BLTP3B: variants seen among roughly 807,000 people sequenced by gnomAD.
The protein encoded by BLTP3B is UHRF1 (ICBP90) binding protein 1-like.
At chr12:100,137,431 C>A in the BLTP3B span, among the ~76,000 whole-genome samples, 1 of 152,142 alleles carries the variant, frequency 6.6e-6, no homozygotes, top group African/African-American at 2.4e-5. Flanking sequence ...TTCTGAATGT[C>A]CATAATGAAT....
the BLTP3B span, chr12:100,037,453 A>G: frequency 7.4e-7 from 1 of 1,356,766 alleles, no homozygotes; most frequent in Non-Finnish European, 9.4e-7. Flanking sequence ...CAACCAAAAG[A>G]TTGTAATGCC....
chr12:100,130,707 G>A, the BLTP3B span, among the ~76,000 whole-genome samples: 2 of 152,080 alleles, frequency 1.3e-5, no homozygotes, highest in Non-Finnish European at 2.9e-5. Context: ...CCTGAGGTCA[G>A]GAGTTTGAGA....
chr12:100,140,723 AAAAAAAATAT>A, the BLTP3B span, among the ~76,000 whole-genome samples: 1 of 97,982 alleles, frequency 1.0e-5, no homozygotes, highest in Non-Finnish European at 2.0e-5. Flanking sequence ...AAAAAAAAAA[AAAAAAAATAT>A]ATATATATAT....
the BLTP3B span, among the ~76,000 whole-genome samples, chr12:100,092,316 C>T: frequency 6.6e-6 from 1 of 152,138 alleles, no homozygotes; most frequent in Non-Finnish European, 1.5e-5. Flanking sequence ...GAAGTAGTGA[C>T]ATGATAACTA....
At chr12:100,051,061 C>T in the BLTP3B span, 41 of 1,611,910 alleles carry the variant, frequency 2.5e-5, no homozygotes, top group Non-Finnish European at 3.5e-5. Flanking sequence ...CATAGAATCT[C>T]TCTGAAATGA....
chr12:100,060,966 CT>C, the BLTP3B span, among the ~76,000 whole-genome samples: 2 of 152,158 alleles, frequency 1.3e-5, no homozygotes, highest in Admixed American at 6.5e-5. Context: ...TATTCATTCA[CT>C]TTCCTTTAAG....
the BLTP3B span, among the ~76,000 whole-genome samples, chr12:100,111,681 T>C: frequency 6.7e-3 from 1,013 of 152,100 alleles, 39 homozygotes; most frequent in Admixed American, 0.055. Context: ...TCTCAGCTCA[T>C]TGCAACCTCT....
chr12:100,142,333 C>G, the BLTP3B span, among the ~76,000 whole-genome samples: 2 of 152,200 alleles, frequency 1.3e-5, no homozygotes, highest in Non-Finnish European at 2.9e-5. Context: ...GATCCCAGCC[C>G]GCCGCGCTCC....
At chr12:100,129,965 T>C in the BLTP3B span, among the ~76,000 whole-genome samples, 1 of 152,032 alleles carries the variant, frequency 6.6e-6, no homozygotes, top group Admixed American at 6.6e-5. Context: ...TCCTTTTTCT[T>C]CCCCCCCTTG....
the BLTP3B span, among the ~76,000 whole-genome samples, chr12:100,096,507 T>G: frequency 6.6e-6 from 1 of 152,082 alleles, no homozygotes; most frequent in Admixed American, 6.6e-5. Flanking sequence ...CTGAGAAATA[T>G]ATTCAATTTA....
the BLTP3B span, chr12:100,037,736 G>A: frequency 1.2e-6 from 2 of 1,602,658 alleles, no homozygotes; most frequent in Non-Finnish European, 8.5e-7. Flanking sequence ...CTGTTTAAGA[G>A]ATTCATTCTC....
the BLTP3B span, among the ~76,000 whole-genome samples, chr12:100,090,402 T>A: frequency 6.6e-6 from 1 of 152,180 alleles, no homozygotes; most frequent in Non-Finnish European, 1.5e-5. Context: ...AACTATAATG[T>A]AAGATTATCT....
chr12:100,077,185 A>G, the BLTP3B span, among the ~76,000 whole-genome samples: 1 of 152,172 alleles, frequency 6.6e-6, no homozygotes, highest in Non-Finnish European at 1.5e-5. Flanking sequence ...TATTTACTGT[A>G]TTTTTACTGT....
the BLTP3B span, among the ~76,000 whole-genome samples, chr12:100,140,791 C>A: frequency 7.4e-6 from 1 of 135,898 alleles, no homozygotes; most frequent in Non-Finnish European, 1.5e-5. Flanking sequence ...ACTCAATTTT[C>A]AATATATGGG....
At chr12:100,072,475 G>A in the BLTP3B span, among the ~76,000 whole-genome samples, 1 of 152,146 alleles carries the variant, frequency 6.6e-6, no homozygotes, top group African/African-American at 2.4e-5. Context: ...GGGAGGCCAA[G>A]GCAGGAGTAT....
the BLTP3B span, among the ~76,000 whole-genome samples, chr12:100,082,653 T>G: frequency 6.6e-6 from 1 of 152,218 alleles, no homozygotes; most frequent in Non-Finnish European, 1.5e-5. Context: ...AGGAAAGCAT[T>G]TCCCCACTGC....
At chr12:100,048,776 G>GTGTA in the BLTP3B span, among the ~76,000 whole-genome samples, 24 of 92,280 alleles carry the variant, frequency 2.6e-4, no homozygotes, top group East Asian at 3.4e-3. Context: ...GAGTGAGTGT[G>GTGTA]TGTGTGTGTG....
the BLTP3B span, among the ~76,000 whole-genome samples, chr12:100,068,222 A>C: frequency 6.6e-6 from 1 of 152,232 alleles, no homozygotes; most frequent in African/African-American, 2.4e-5. Flanking sequence ...ATCTTCAACA[A>C]GGCAAACAAA....
the BLTP3B span, chr12:100,102,738 G>A: frequency 2.4e-6 from 3 of 1,265,730 alleles, no homozygotes; most frequent in South Asian, 2.6e-5. Flanking sequence ...GTTATTGGCA[G>A]TCATGCAGAT....
Sources: gnomAD v4.1 joint callset for allele counts (sites outside exome capture counted in the v4.1 genomes callset) on GRCh38, gnomAD v4.1.1 for gene constraint, MANE v1.5 for transcripts, NCBI Gene and HGNC (gene_info 2026-07-23, HGNC 2026-07-21) for gene names.